CCDC178: variants seen among roughly 807,000 people sequenced by gnomAD.
CCDC178 encodes the protein coiled-coil domain-containing protein 178.
A neutral mutation model predicts 117.4 loss-of-function variants in CCDC178; 126 were observed. The observed-to-expected ratio is 1.07, with a 90% CI of 0.93 to 1.24. The LOEUF is 1.24. Ranked by LOEUF, CCDC178 falls within the 50% of genes most tolerant of loss-of-function variation. CCDC178 has a pLI of 0.00. For synonymous variants in CCDC178, 283 were observed against 313.4 expected (o/e 0.90, Z 1.02); for missense variants, 1,030 against 986.9 (o/e 1.04, Z -0.59).
intron 6 of CCDC178, among the ~76,000 whole-genome samples, chr18:33,368,612 A>G (rs2063251647): frequency 6.6e-6 from 1 of 151,930 alleles, no homozygotes; most frequent in Non-Finnish European, 1.5e-5. Context: ...TCAGAGCACC[A>G]AGTCGGATTC....
chr18:32,963,120 A>C (rs148381120), intron 22 of CCDC178, among the ~76,000 whole-genome samples: 1 of 152,186 alleles, frequency 6.6e-6, no homozygotes, highest in Non-Finnish European at 1.5e-5. Context: ...CTCACAGCCA[A>C]ATTGCCTAGG....
At chr18:33,255,063 T>G (rs528741634) in intron 14 of CCDC178, among the ~76,000 whole-genome samples, 1 of 152,124 alleles carries the variant, frequency 6.6e-6, no homozygotes, top group Non-Finnish European at 1.5e-5. Flanking sequence ...AATTAATTAG[T>G]TCCCATGAGA....
intron 20 of CCDC178, among the ~76,000 whole-genome samples, chr18:33,174,934 A>C (rs2058645920): frequency 6.6e-6 from 1 of 152,120 alleles, no homozygotes; most frequent in Non-Finnish European, 1.5e-5. Context: ...AGCTCACTGC[A>C]ACCTCTGCCT....
chr18:33,043,322 A>T (rs1348931212), intron 21 of CCDC178, among the ~76,000 whole-genome samples: 4 of 152,132 alleles, frequency 2.6e-5, no homozygotes, highest in Non-Finnish European at 5.9e-5. Flanking sequence ...ACTGAGAATT[A>T]TCATAGAACA....
chr18:32,990,353 A>G (rs1164162081), intron 21 of CCDC178, among the ~76,000 whole-genome samples: 1 of 152,162 alleles, frequency 6.6e-6, no homozygotes, highest in Non-Finnish European at 1.5e-5. Context: ...GCGATATATC[A>G]AATTTGTTGC....
chr18:32,988,109 TA>T (rs2055304710), intron 21 of CCDC178, among the ~76,000 whole-genome samples: 1 of 140,496 alleles, frequency 7.1e-6, no homozygotes, highest in Non-Finnish European at 1.5e-5. Context: ...ATAATAATAA[TA>T]ATAATAATAA....
At chr18:33,413,239 T>A (rs990672324) in intron 2 of CCDC178, among the ~76,000 whole-genome samples, 6 of 152,162 alleles carry the variant, frequency 3.9e-5, no homozygotes, top group Non-Finnish European at 5.9e-5. Flanking sequence ...AAAGACTTCT[T>A]AGACAAAAGT....
At chr18:33,418,035 C>A (rs1275205584) in intron 2 of CCDC178, among the ~76,000 whole-genome samples, 1 of 152,028 alleles carries the variant, frequency 6.6e-6, no homozygotes, top group African/African-American at 2.4e-5. Flanking sequence ...GGCAGAGACA[C>A]AATGAAAAAG....
At chr18:33,317,534 T>A (rs1166872712) in intron 11 of CCDC178, among the ~76,000 whole-genome samples, 1 of 152,184 alleles carries the variant, frequency 6.6e-6, no homozygotes, top group East Asian at 1.9e-4. Flanking sequence ...CCTCTCTTAA[T>A]AAACTTGCTT....
intron 20 of CCDC178, among the ~76,000 whole-genome samples, chr18:33,145,171 G>T (rs972235707): frequency 6.6e-6 from 1 of 152,098 alleles, no homozygotes; most frequent in African/African-American, 2.4e-5. Context: ...ATTGTTTCAA[G>T]AATTAGTTTG....
chr18:33,269,660 C>T (rs557818048), intron 12 of CCDC178, among the ~76,000 whole-genome samples: 2 of 151,866 alleles, frequency 1.3e-5, no homozygotes, highest in South Asian at 4.1e-4. Flanking sequence ...ATGGGCTGCA[C>T]ATGAGAAAGA....
intron 20 of CCDC178, among the ~76,000 whole-genome samples, chr18:33,154,098 T>C (rs1469875039): frequency 1.3e-5 from 2 of 152,170 alleles, no homozygotes; most frequent in Admixed American, 1.3e-4. Context: ...GGTAATGACA[T>C]AGTAGCTTCT....
chr18:32,974,398 T>TG (rs2054989047), intron 22 of CCDC178, 149 bp downstream of exon 22: 2 of 683,318 alleles, frequency 2.9e-6, no homozygotes, highest in Non-Finnish European at 4.9e-6. Context: ...CTTACTGAAT[T>TG]CATTCTTCAT....
chr18:32,947,391 CCATT>C (rs1342819540), intron 22 of CCDC178, among the ~76,000 whole-genome samples: 1 of 152,122 alleles, frequency 6.6e-6, no homozygotes. Context: ...TTAATTGTAG[CCATT>C]CAAATAGGTG....
chr18:33,187,299 C>T (rs1169063262), intron 20 of CCDC178, among the ~76,000 whole-genome samples: 1 of 152,054 alleles, frequency 6.6e-6, no homozygotes, highest in Non-Finnish European at 1.5e-5. Context: ...AGCCAAACCA[C>T]ATGATATGGC....
At chr18:33,008,210 C>T (rs1273434370) in intron 21 of CCDC178, among the ~76,000 whole-genome samples, 2 of 152,112 alleles carry the variant, frequency 1.3e-5, no homozygotes, top group African/African-American at 4.8e-5. Context: ...GCCAATACTC[C>T]TTCCATTATA....
At chr18:33,432,478 T>TACACACACACACAC (rs56111462) in intron 2 of CCDC178, among the ~76,000 whole-genome samples, 4 of 143,312 alleles carry the variant, frequency 2.8e-5, no homozygotes, top group African/African-American at 1.0e-4. Flanking sequence ...GCCTTCTCCA[T>TACACACACACACAC]ACACACACAC....
At chr18:33,351,492 C>A (rs1056728004) in intron 7 of CCDC178, among the ~76,000 whole-genome samples, 3 of 151,964 alleles carry the variant, frequency 2.0e-5, no homozygotes, top group African/African-American at 4.8e-5. Context: ...TGTGCCCGGC[C>A]GTATAATTAT....
chr18:33,215,416 CACAT>C (rs2059152770), intron 19 of CCDC178, 130 bp downstream of exon 19: 5 of 548,020 alleles, frequency 9.1e-6, no homozygotes, highest in African/African-American at 2.0e-5. Context: ...TATCAAATAA[CACAT>C]ATATATTCCA....
Sources: allele counts gnomAD v4.1 joint callset (sites outside exome capture counted in the v4.1 genomes callset), GRCh38; gene constraint gnomAD v4.1.1; transcripts MANE v1.5; gene names NCBI Gene and HGNC (gene_info 2026-07-23, HGNC 2026-07-21).